TMEM232: variants seen among roughly 807,000 people sequenced by gnomAD.
TMEM232 encodes transmembrane protein 232.
Under a neutral mutation model 78.8 loss-of-function variants are expected in TMEM232, and 80 were observed. The ratio of observed to expected loss-of-function variants is 1.01; its 90% CI spans 0.85 to 1.22. The LOEUF is 1.22. Among genes scored for constraint, TMEM232 ranks in the 50% most tolerant of loss-of-function variants. The probability of loss-of-function intolerance (pLI) is 0.00; values close to 1 mark genes in which losing one functional copy is unlikely to be tolerated. For missense variants in TMEM232, 881 were observed against 742.2 expected, an observed-to-expected ratio of 1.19 and a Z score of -2.17; for synonymous variants, 297 against 254.3, an observed-to-expected ratio of 1.17 and a Z score of -1.60.
intron 1 of TMEM232, among the ~76,000 whole-genome samples, chr5:110,697,310 A>C (rs1794904646): frequency 6.6e-6 from 1 of 152,224 alleles, no homozygotes; most frequent in Non-Finnish European, 1.5e-5. Context: ...AGATGGATTA[A>C]AGACTTACAT....
intron 5 of TMEM232, among the ~76,000 whole-genome samples, chr5:110,633,864 G>A (rs1785466657): frequency 6.6e-6 from 1 of 152,088 alleles, no homozygotes. Context: ...TAATGTAAAT[G>A]TAAACAGAAT....
intron 1 of TMEM232, among the ~76,000 whole-genome samples, chr5:110,714,007 A>C (rs1001505498): frequency 2.8e-4 from 42 of 152,234 alleles, no homozygotes; most frequent in African/African-American, 9.9e-4. Flanking sequence ...ATTGTTTTTC[A>C]GGAACTATTC....
chr5:110,600,633 G>T (rs1413941886), intron 10 of TMEM232, among the ~76,000 whole-genome samples: 1 of 151,982 alleles, frequency 6.6e-6, no homozygotes, highest in African/African-American at 2.4e-5. Flanking sequence ...GATCTCTGAA[G>T]GGACAAATAA....
At chr5:110,426,817 G>C (rs1330433514) in intron 12 of TMEM232, among the ~76,000 whole-genome samples, 1 of 152,038 alleles carries the variant, frequency 6.6e-6, no homozygotes, top group East Asian at 1.9e-4. Context: ...AGTGAAATTT[G>C]GGCAGTTTTG....
chr5:110,595,630 C>T (rs1455447048), intron 10 of TMEM232, among the ~76,000 whole-genome samples: 1 of 152,028 alleles, frequency 6.6e-6, no homozygotes, highest in African/African-American at 2.4e-5. Flanking sequence ...GTGAAGCATA[C>T]ACAAGTATCA....
intron 1 of TMEM232, among the ~76,000 whole-genome samples, chr5:110,670,768 T>C (rs1381893781): frequency 1.3e-5 from 2 of 152,210 alleles, no homozygotes; most frequent in Non-Finnish European, 2.9e-5. Flanking sequence ...ACAACATCAC[T>C]GGGCATTTCT....
At chr5:110,626,090 C>T (rs1179997318) in intron 6 of TMEM232, among the ~76,000 whole-genome samples, 1 of 151,892 alleles carries the variant, frequency 6.6e-6, no homozygotes, top group African/African-American at 2.4e-5. Flanking sequence ...AGGTAGAAAA[C>T]AGCCTATTGT....
chr5:110,443,202 G>C (rs1203627325), intron 12 of TMEM232, among the ~76,000 whole-genome samples: 2 of 152,172 alleles, frequency 1.3e-5, no homozygotes, highest in African/African-American at 4.8e-5. Context: ...GGAAGGTCCA[G>C]AGATGCTCTC....
At chr5:110,396,924 A>G (rs73217172) in intron 3 of TMEM232, among the ~76,000 whole-genome samples, 15,349 of 152,116 alleles carry the variant, frequency 0.1, 1,899 homozygotes, top group African/African-American at 0.3. Context: ...AGAGCTGAAA[A>G]ACTCGTAACT....
Position 110,606,267 on chromosome 5 carries a change from A to G in TMEM232, c.923T>C (p.Leu308Ser). Residue 308 changes from leucine (L) to serine (S), a missense_variant, in exon 9 of 14, where the codon TTA becomes TCA. Coordinates refer to ENST00000455884, the MANE Select transcript of TMEM232 (RefSeq NM_001039763.4). ...TTTGGCAGCCTCCCCAAGGACCAGTAAAGCCAGTACTGAATCCAACCTGAA... is the reference window on the plus strand; with the variant it reads ...TTTGGCAGCCTCCCCAAGGACCAGTGAAGCCAGTACTGAATCCAACCTGAA... ...KKCWLDSVLA[L>S]LVLGEAAKLN... 2 of 1,542,932 alleles carry G rather than the reference A, an allele frequency of 1.3e-6. No homozygotes were observed. The highest frequency in any genetic ancestry group is 2.5e-5 in the East Asian group (1 of 40,800).
chr5:110,689,257 A>G (rs1025611754), intron 1 of TMEM232, among the ~76,000 whole-genome samples: 7 of 152,184 alleles, frequency 4.6e-5, no homozygotes, highest in Non-Finnish European at 8.8e-5. Context: ...TATTCAACCA[A>G]TCAAGCAAAA....
intron 12 of TMEM232, among the ~76,000 whole-genome samples, chr5:110,507,252 C>T (rs1008816675): frequency 1.3e-5 from 2 of 152,108 alleles, no homozygotes; most frequent in Admixed American, 1.3e-4. Flanking sequence ...GATATGCATG[C>T]ACTTGTCACA....
At chr5:110,504,485 T>G (rs34418516) in intron 12 of TMEM232, among the ~76,000 whole-genome samples, 3 of 152,148 alleles carry the variant, frequency 2.0e-5, no homozygotes, top group African/African-American at 7.2e-5. Context: ...AACATGTATA[T>G]ACATAGAGAG....
chr5:110,415,159 C>G (rs981928314), downstream of TMEM232, among the ~76,000 whole-genome samples: 2 of 150,992 alleles, frequency 1.3e-5, no homozygotes, highest in South Asian at 4.2e-4. Flanking sequence ...GTAAGGACAT[C>G]AAGCACCCTT....
chr5:110,667,810 G>C (rs1580586143), intron 1 of TMEM232: 1 of 152,286 alleles, frequency 6.6e-6, no homozygotes, highest in Non-Finnish European at 1.5e-5. Flanking sequence ...AATCACTTGT[G>C]ATCATATCAC....
At chr5:110,440,517 A>G (rs1758912582) in intron 12 of TMEM232, among the ~76,000 whole-genome samples, 1 of 152,168 alleles carries the variant, frequency 6.6e-6, no homozygotes, top group South Asian at 2.1e-4. Flanking sequence ...AAGATATTTG[A>G]AAATGTCTTT....
chr5:110,390,036 C>T (rs1026442904), intron 4 of TMEM232, among the ~76,000 whole-genome samples: 15 of 152,150 alleles, frequency 9.9e-5, no homozygotes, highest in Non-Finnish European at 5.9e-5. Flanking sequence ...CTGAATTCTG[C>T]AGAATTTTAC....
chr5:110,594,632 C>T (rs1361581860), intron 10 of TMEM232, among the ~76,000 whole-genome samples: 11 of 152,236 alleles, frequency 7.2e-5, no homozygotes, highest in Middle Eastern at 3.4e-3. Flanking sequence ...AAGGGGCTTC[C>T]GTCATTACTG....
chr5:110,482,259 T>C (rs1343230921), intron 12 of TMEM232, among the ~76,000 whole-genome samples: 1 of 151,940 alleles, frequency 6.6e-6, no homozygotes, highest in Non-Finnish European at 1.5e-5. Context: ...TACTGAAACA[T>C]GAAAGAAAAT....
Sources: allele counts gnomAD v4.1 joint callset (sites outside exome capture counted in the v4.1 genomes callset), GRCh38; gene constraint gnomAD v4.1.1; transcripts MANE v1.5; gene names NCBI Gene and HGNC (gene_info 2026-07-23, HGNC 2026-07-21).